ZNF215: variants seen among roughly 807,000 people sequenced by gnomAD.
ZNF215 encodes zinc finger protein 215.
Under a neutral mutation model 27.2 loss-of-function variants are expected in ZNF215, and 24 were observed. That is an observed-to-expected ratio of 0.88 (90% CI 0.64 to 1.24). The LOEUF is 1.24. Among genes scored for constraint, ZNF215 ranks in the 50% most tolerant of loss-of-function variants. The pLI is 0.00. For synonymous variants in ZNF215, 210 were observed against 204.0 expected, an observed-to-expected ratio of 1.03 and a Z score of -0.25; for missense variants, 675 against 605.7, an observed-to-expected ratio of 1.11 and a Z score of -1.20.
intron 4 of ZNF215, among the ~76,000 whole-genome samples, chr11:6,942,715 A>G (rs1172910482): frequency 1.3e-5 from 2 of 152,206 alleles, no homozygotes; most frequent in African/African-American, 4.8e-5. Context: ...CTCTCTTAGA[A>G]CTACCACAAA....
chr11:6,936,317 G>T (rs1416508322), intron 3 of ZNF215, among the ~76,000 whole-genome samples: 1 of 151,998 alleles, frequency 6.6e-6, no homozygotes, highest in Non-Finnish European at 1.5e-5. Context: ...CAATACTACT[G>T]ACTTTGCATA....
chr11:6,950,068 C>T (rs990829463), intron 6 of ZNF215, among the ~76,000 whole-genome samples: 1 of 151,656 alleles, frequency 6.6e-6, no homozygotes, highest in African/African-American at 2.4e-5. Context: ...TTTCTGAGGG[C>T]TCTGTTCTGT....
At chr11:6,967,022 C>G (rs1266646087) in intron 5 of ZNF215, among the ~76,000 whole-genome samples, 3 of 151,980 alleles carry the variant, frequency 2.0e-5, no homozygotes, top group Admixed American at 6.6e-5. Flanking sequence ...CATGTGTTCT[C>G]TTTGTTCACC....
intron 5 of ZNF215, among the ~76,000 whole-genome samples, chr11:6,972,440 T>C (rs996518654): frequency 2.6e-5 from 4 of 152,008 alleles, no homozygotes; most frequent in African/African-American, 9.7e-5. Flanking sequence ...ATTGTAGCAG[T>C]TTACTTCCTA....
chr11:6,994,101 G>A (rs1851150781), intron 6 of ZNF215, among the ~76,000 whole-genome samples: 1 of 152,014 alleles, frequency 6.6e-6, no homozygotes, highest in East Asian at 1.9e-4. Context: ...AAATACATGT[G>A]AAAGAGAAGC....
At chr11:6,943,240 C>T in intron 5 of ZNF215, 25 bp downstream of exon 5, 1 of 1,595,174 alleles carries the variant, frequency 6.3e-7, no homozygotes, top group Non-Finnish European at 8.5e-7. Flanking sequence ...TTTACCTAAT[C>T]TGTCCATTTA....
chr11:6,981,880 G>T (rs1403370117), intron 5 of ZNF215, among the ~76,000 whole-genome samples: 1 of 152,008 alleles, frequency 6.6e-6, no homozygotes, highest in Non-Finnish European at 1.5e-5. Context: ...TTTCCCTATT[G>T]CTTGTTTTTC....
chr11:6,982,633 T>C (rs1301290393), intron 5 of ZNF215, among the ~76,000 whole-genome samples: 19 of 152,144 alleles, frequency 1.2e-4, no homozygotes, highest in Non-Finnish European at 2.5e-4. Context: ...ACATGGAAAC[T>C]GAACAACTTG....
At chr11:6,949,211 G>A (rs1014417831) in intron 6 of ZNF215, among the ~76,000 whole-genome samples, 12 of 152,086 alleles carry the variant, frequency 7.9e-5, no homozygotes, top group South Asian at 2.1e-4. Context: ...ATAAACATAC[G>A]TGTGCATGTG....
downstream of ZNF215, chr11:6,988,668 G>A (rs1361935793): frequency 6.6e-6 from 1 of 152,164 alleles, no homozygotes; most frequent in African/African-American, 2.4e-5. Flanking sequence ...AAATTGGCCT[G>A]TGTTTGTTCT....
intron 2 of ZNF215, among the ~76,000 whole-genome samples, chr11:6,928,025 T>A (rs76728760): frequency 0.011 from 1,699 of 152,312 alleles, 30 homozygotes; most frequent in African/African-American, 0.039. Flanking sequence ...TCCTTTTGAT[T>A]CTCTTTTATC....
intron 5 of ZNF215, among the ~76,000 whole-genome samples, chr11:6,976,338 A>T (rs1850833083): frequency 6.6e-6 from 1 of 152,072 alleles, no homozygotes; most frequent in Admixed American, 6.6e-5. Context: ...TAAAATATGA[A>T]ATGTTGACAC....
intron 1 of ZNF215, among the ~76,000 whole-genome samples, chr11:6,927,321 T>G (rs1217475032): frequency 6.6e-6 from 1 of 152,244 alleles, no homozygotes; most frequent in Non-Finnish European, 1.5e-5. Context: ...GTCACTTATT[T>G]GCAAACTGTT....
chr11:6,958,042 A>G lies in ZNF215; in HGVS notation c.*1511A>G. On this transcript the variant is annotated 3_prime_UTR_variant, in exon 7 of 7. Transcript: ENST00000278319. ...AACTCCTATGATTAAATAATGTCAA[A>G]ATCTATGTTTGTTCATCCTTTATAT... 1.0e-6 allele frequency: 1 copy of G among 985,438 alleles called. No individual in the cohort carries two copies. The highest frequency in any genetic ancestry group is 1.2e-6 in the Non-Finnish European group (1 of 829,928). 61.0% of individuals were successfully genotyped at this position (985,438 alleles called of 1,614,324 possible).
Position 6,951,400 on chromosome 11 carries a change from A to C in ZNF215, c.713-4290A>C, listed in dbSNP as rs189694264. On this transcript the variant is annotated intron_variant, in intron 6 of 6. Coordinates refer to ENST00000278319, the MANE Select transcript of ZNF215 (RefSeq NM_013250.4). Reference sequence around the variant, plus strand: ...GGTTGGTAAGCTATTGATTGTTGCCATAATTTCAGAGCCTGTTATTGGTCT... The same window carrying C: ...GGTTGGTAAGCTATTGATTGTTGCCCTAATTTCAGAGCCTGTTATTGGTCT... Among the ~76,000 whole-genome samples, 8 of 152,310 alleles carry C rather than the reference A, an allele frequency of 5.3e-5. No individual in the cohort carries two copies. The South Asian group carries it at 1.7e-3, about 32-fold the overall frequency.
chr11:6,928,537 G>C (rs1849141010), intron 2 of ZNF215, among the ~76,000 whole-genome samples: 1 of 151,920 alleles, frequency 6.6e-6, no homozygotes, highest in Non-Finnish European at 1.5e-5. Context: ...TTGTTTGCCT[G>C]GTATTTTTTA....
In ZNF215 at chr11:6,956,790, A is replaced by G. The variant is rs1850377691; in HGVS notation, c.*259A>G. The G allele has an allele frequency of 6.5e-6, 8 of 1,224,636 alleles. No individual in the cohort carries two copies. In the East Asian group the frequency reaches 3.1e-4, roughly 48 times the overall value. The allele number at this position is 1,224,636 out of a possible 1,614,324, so 75.9% of individuals were successfully genotyped here. A position where few individuals can be genotyped will look rare whatever the true frequency, so the allele number is the denominator to read the frequency against. On this transcript the variant is annotated 3_prime_UTR_variant, in exon 7 of 7. Coordinates refer to ENST00000278319, the MANE Select transcript of ZNF215 (RefSeq NM_013250.4). Reference sequence around the variant, plus strand: ...ATCACCATACAAGTATTTGTTTATCATTATTTTGATATCCATTACCCTCAC... The same window carrying G: ...ATCACCATACAAGTATTTGTTTATCGTTATTTTGATATCCATTACCCTCAC...
downstream of ZNF215, among the ~76,000 whole-genome samples, chr11:6,992,786 T>C (rs1414088857): frequency 6.6e-6 from 1 of 151,702 alleles, no homozygotes; most frequent in Admixed American, 6.6e-5. Flanking sequence ...AGGTTAAGAT[T>C]CTGGCTAGTC....
downstream of ZNF215, chr11:6,988,974 T>C (rs1851089721): frequency 1.3e-5 from 2 of 151,808 alleles, no homozygotes; most frequent in South Asian, 4.2e-4. Context: ...CTGGCCAACA[T>C]GGTGAAACCC....
Sources: allele counts gnomAD v4.1 joint callset (sites outside exome capture counted in the v4.1 genomes callset), GRCh38; gene constraint gnomAD v4.1.1; transcripts MANE v1.5; gene names NCBI Gene and HGNC (gene_info 2026-07-23, HGNC 2026-07-21).